CCDC32: variants seen among roughly 807,000 people sequenced by gnomAD.
CCDC32 encodes the protein coiled-coil domain-containing protein 32.
A neutral mutation model predicts 20.1 loss-of-function variants in CCDC32; 9 were observed. The observed-to-expected ratio is 0.45, with a 90% CI of 0.27 to 0.78. The LOEUF (loss-of-function observed/expected upper bound fraction) is 0.78. Among genes scored for constraint, CCDC32 ranks in the 30% least tolerant of loss-of-function variants. The pLI is 0.16. For missense variants in CCDC32, 204 were observed against 215.5 expected, an observed-to-expected ratio of 0.95 and a Z score of 0.33; for synonymous variants, 63 against 79.0, an observed-to-expected ratio of 0.80 and a Z score of 1.07.
chr15:40,535,632 T>C (rs1260562860), downstream of CCDC32: 10 of 983,492 alleles, frequency 1.0e-5, no homozygotes, highest in Non-Finnish European at 1.2e-5. Flanking sequence ...AGAAAAAAAA[T>C]AGTGCATGCT....
downstream of CCDC32, among the ~76,000 whole-genome samples, chr15:40,531,179 G>A (rs959089375): frequency 1.5e-4 from 23 of 151,482 alleles, no homozygotes; most frequent in African/African-American, 5.3e-4. Flanking sequence ...GGGTAGGAGG[G>A]TGGGAGGTGG....
intron 3 of CCDC32, chr15:40,539,463 G>T: frequency 2.1e-6 from 2 of 941,490 alleles, no homozygotes; most frequent in Non-Finnish European, 3.3e-6. Flanking sequence ...AGCACCGAGA[G>T]TGCGAAGGTG....
chr15:40,552,667 C>G (rs777068840), downstream of CCDC32, among the ~76,000 whole-genome samples: 1 of 144,936 alleles, frequency 6.9e-6, no homozygotes, highest in Non-Finnish European at 1.5e-5. Context: ...TCCAACTACT[C>G]AGGAGGCTGA....
At chr15:40,534,387 T>C (rs1398148755), downstream of CCDC32, 1 of 156,818 alleles carries the variant, frequency 6.4e-6, no homozygotes, top group African/African-American at 2.4e-5. Context: ...TTGGCATGGC[T>C]GGGGACGCCT....
intron 3 of CCDC32, among the ~76,000 whole-genome samples, chr15:40,555,851 T>C (rs1209438056): frequency 6.7e-6 from 1 of 148,852 alleles, no homozygotes; most frequent in Non-Finnish European, 1.5e-5. Flanking sequence ...CTAAGATCTT[T>C]TGTTAAAATT....
chr15:40,552,771 C>CAAAAAAAAAAAAAAAAAAAAAAA (rs10675441), downstream of CCDC32: 4 of 68,778 alleles, frequency 5.8e-5, 2 homozygotes, highest in Non-Finnish European at 5.7e-5. Flanking sequence ...AGTGCGACCT[C>CAAAAAAAAAAAAAAAAAAAAAAA]AAAAAAAAAA....
rs370176565 is a variant in CCDC32 at position 40,542,456 on chromosome 15, T to A, written c.402-3101A>T. ...CTCCTCTAGGGAGCATTGCAGTTTG[T>A]CGATGTTCCTCTGTAGGAAAAGACC... is the stretch of plus-strand genomic sequence containing the variant. On this transcript the variant is annotated intron_variant, in intron 3 of 3. Transcript: ENST00000558113. Among the ~76,000 whole-genome samples the A allele has an allele frequency of 2.0e-4, 31 of 152,350 alleles. No individual in the cohort carries two copies. In the East Asian group the frequency reaches 4.4e-3, roughly 22 times the overall value.
intron 3 of CCDC32, among the ~76,000 whole-genome samples, chr15:40,539,879 CA>C (rs1283129821): frequency 1.5e-4 from 22 of 151,322 alleles, no homozygotes; most frequent in Non-Finnish European, 2.5e-4. Flanking sequence ...CACACACACA[CA>C]CCCCGCTCCT....
At chr15:40,564,213 A>G (rs1462582013) in intron 1 of CCDC32, among the ~76,000 whole-genome samples, 2 of 152,214 alleles carry the variant, frequency 1.3e-5, no homozygotes, top group Non-Finnish European at 2.9e-5. Context: ...TCTGTCAGAG[A>G]GTACTGTTAC....
intron 2 of CCDC32, 80 bp from the exon 3 acceptor site, chr15:40,557,452 C>CTTAAAAA: frequency 6.9e-7 from 1 of 1,439,146 alleles, no homozygotes; most frequent in East Asian, 2.3e-5. Context: ...AAAATACTAA[C>CTTAAAAA]TTAAAAAATC....
chr15:40,564,467 C>T (rs1890884083), intron 1 of CCDC32, among the ~76,000 whole-genome samples: 1 of 151,978 alleles, frequency 6.6e-6, no homozygotes, highest in South Asian at 2.1e-4. Flanking sequence ...GAAAATATAA[C>T]GAAAGCAGCC....
chr15:40,542,178 A>G (rs1889421869), intron 3 of CCDC32, among the ~76,000 whole-genome samples: 1 of 152,216 alleles, frequency 6.6e-6, no homozygotes, highest in Admixed American at 6.5e-5. Context: ...ACTATCTTCT[A>G]CAAGGCCACC....
At chr15:40,539,880 A>ACACACACACC (rs769226221) in intron 3 of CCDC32, among the ~76,000 whole-genome samples, 22 of 139,040 alleles carry the variant, frequency 1.6e-4, no homozygotes, top group East Asian at 4.0e-4. Context: ...ACACACACAC[A>ACACACACACC]CCCCGCTCCT....
At chr15:40,545,116 C>T (rs1355092043) in intron 3 of CCDC32, among the ~76,000 whole-genome samples, 1 of 152,158 alleles carries the variant, frequency 6.6e-6, no homozygotes, top group African/African-American at 2.4e-5. Context: ...CTGTGGGTCT[C>T]CTCTACCATA....
downstream of CCDC32, chr15:40,532,239 T>C (rs1389651548): frequency 1.4e-6 from 1 of 702,790 alleles, no homozygotes; most frequent in Non-Finnish European, 2.6e-6. Context: ...TATAGAAGGA[T>C]GGTAACATAC....
At chr15:40,554,219 G>A (rs1890083328) in intron 3 of CCDC32, 92 bp from the exon 4 acceptor site, 9 of 1,480,400 alleles carry the variant, frequency 6.1e-6, no homozygotes, top group South Asian at 4.0e-5. Context: ...CTACCTTCCC[G>A]CCCACCAGCA....
chr15:40,526,137 A>G (rs539478385), downstream of CCDC32, among the ~76,000 whole-genome samples: 2 of 152,248 alleles, frequency 1.3e-5, no homozygotes, highest in African/African-American at 4.8e-5. Context: ...GAGCCAGAGA[A>G]AGTTAAAGCT....
intron 3 of CCDC32, 89 bp downstream of exon 3, chr15:40,557,127 G>C (rs76717634): frequency 2.6e-5 from 39 of 1,498,036 alleles, no homozygotes; most frequent in Non-Finnish European, 3.2e-5. Flanking sequence ...AAAAAAGTCT[G>C]TTCTTAAAAA....
At chr15:40,525,168 C>T (rs946461406), downstream of CCDC32, among the ~76,000 whole-genome samples, 3 of 152,088 alleles carry the variant, frequency 2.0e-5, no homozygotes, top group Non-Finnish European at 1.5e-5. Flanking sequence ...GCTCGGATTA[C>T]AGGCGCCTGC....
Sources: gnomAD v4.1 joint callset for allele counts (sites outside exome capture counted in the v4.1 genomes callset) on GRCh38, gnomAD v4.1.1 for gene constraint, MANE v1.5 for transcripts, NCBI Gene and HGNC (gene_info 2026-07-23, HGNC 2026-07-21) for gene names.